CPA5: variants seen among roughly 807,000 people sequenced by gnomAD.
CPA5 encodes the protein carboxypeptidase A5, also known as testicular tissue protein Li 32.
CPA5 carries 38 observed loss-of-function variants against 52.2 expected under a neutral mutation model. The ratio of observed to expected loss-of-function variants is 0.73; its 90% CI spans 0.56 to 0.95. The LOEUF is 0.95. Ranked by LOEUF, CPA5 falls within the 40% of genes least tolerant of loss-of-function variation. CPA5 has a pLI of 0.00. For missense variants in CPA5, 519 were observed against 566.7 expected, an observed-to-expected ratio of 0.92 and a Z score of 0.86; for synonymous variants, 198 against 213.7, an observed-to-expected ratio of 0.93 and a Z score of 0.64.
At chr7:130,361,562 AC>A (rs1795793521) in intron 7 of CPA5, among the ~76,000 whole-genome samples, 1 of 152,018 alleles carries the variant, frequency 6.6e-6, no homozygotes, top group African/African-American at 2.4e-5. Context: ...GCGTTCTATT[AC>A]CTCAGTTGCT....
intron 4 of CPA5, among the ~76,000 whole-genome samples, chr7:130,348,555 G>A (rs187940684): frequency 2.6e-5 from 4 of 152,318 alleles, no homozygotes; most frequent in Non-Finnish European, 5.9e-5. Flanking sequence ...ACTTCTGCGG[G>A]GATGGGAACA....
intron 2 of CPA5, among the ~76,000 whole-genome samples, 181 bp from the exon 3 acceptor site, chr7:130,346,212 G>A (rs544532365): frequency 2.0e-5 from 3 of 151,824 alleles, no homozygotes; most frequent in Non-Finnish European, 4.4e-5. Context: ...ACAAGGGGCT[G>A]CCCTGGCAAA....
chr7:130,345,123 T>C lies in CPA5; in HGVS notation c.-234T>C, dbSNP rs1322375076. 1 of 152,220 alleles carries C rather than the reference T, an allele frequency of 6.6e-6. No homozygotes were observed. Among genetic ancestry groups the C allele is most frequent in the African/African-American group, 2.4e-5 (1 of 41,446 alleles). 9.4% of individuals were successfully genotyped at this position (152,220 alleles called of 1,614,324 possible). On this transcript the variant is annotated 5_prime_UTR_variant, in exon 1 of 13. Transcript: ENST00000474905. ...TCCTTAAACCCTTTGATAATGTTACTGTTTGAGAGTCCCTGAAGCCAGGAT... is the reference window on the plus strand; with the variant it reads ...TCCTTAAACCCTTTGATAATGTTACCGTTTGAGAGTCCCTGAAGCCAGGAT...
chr7:130,363,556 G>A (rs1795912297), intron 10 of CPA5, 47 bp downstream of exon 10: 2 of 1,467,256 alleles, frequency 1.4e-6, no homozygotes, highest in Non-Finnish European at 1.9e-6. Flanking sequence ...AGAGGTGTTG[G>A]CCCATGGCAG....
intron 5 of CPA5, among the ~76,000 whole-genome samples, chr7:130,350,528 G>T (rs1470234549): frequency 6.6e-6 from 1 of 152,158 alleles, no homozygotes; most frequent in African/African-American, 2.4e-5. Context: ...ATGCCTGGGG[G>T]AACGGCTTTA....
At chr7:130,371,650 C>A (rs6975516), downstream of CPA5, among the ~76,000 whole-genome samples, 1 of 151,602 alleles carries the variant, frequency 6.6e-6, no homozygotes, top group Non-Finnish European at 1.5e-5. Flanking sequence ...CTCTGCCTCC[C>A]GGGTTCAAGT....
chr7:130,352,015 T>C (rs1795177990), intron 5 of CPA5, among the ~76,000 whole-genome samples: 1 of 152,098 alleles, frequency 6.6e-6, no homozygotes, highest in Admixed American at 6.5e-5. Context: ...GTACCTACCA[T>C]AGGACCTGCT....
chr7:130,352,631 C>T (rs1795232275), intron 5 of CPA5, among the ~76,000 whole-genome samples: 1 of 152,082 alleles, frequency 6.6e-6, no homozygotes, highest in African/African-American at 2.4e-5. Context: ...AGGGGGGAGT[C>T]ATGGGAGGTG....
chr7:130,362,649 T>A lies in CPA5; in HGVS notation c.636+110T>A, dbSNP rs1554407112. 9 of 777,648 alleles carry A rather than the reference T, an allele frequency of 1.2e-5. No individual in the cohort carries two copies. The East Asian group carries it at 2.4e-4, about 21-fold the overall frequency. The allele number at this position is 777,648 out of a possible 1,614,324, so 48.2% of individuals were successfully genotyped here. A position where few individuals can be genotyped will look rare whatever the true frequency, so the allele number is the denominator to read the frequency against. On this transcript the variant is annotated intron_variant, in intron 8 of 12. Transcript: ENST00000474905. ...TTCAACAGTTACACTCAGGGTGCTG[T>A]CTCCATCCCGCCCTTTGGAGCAGCC...
Position 130,367,950 on chromosome 7 carries a change from T to C in CPA5, c.1083T>C (p.His361=). The change falls in exon 12 of 13, where the codon CAT becomes CAC. Residue 361 remains histidine, a synonymous_variant. Transcript: ENST00000474905. Reference sequence around the variant, plus strand: ...CGGTGGAGGCCTTGTATAAGGTCCATGGGATCGAGTACATTTTTGGCAGCA... The same window carrying C: ...CGGTGGAGGCCTTGTATAAGGTCCACGGGATCGAGTACATTTTTGGCAGCA... ...KDAVEALYKV[H]GIEYIFGSIS... The C allele has an allele frequency of 6.2e-7, 1 of 1,614,182 alleles. No individual in the cohort carries two copies. Among genetic ancestry groups the C allele is most frequent in the East Asian group, 2.2e-5 (1 of 44,878 alleles).
chr7:130,367,255 C>A, intron 10 of CPA5, 117 bp from the exon 11 acceptor site: 1 of 834,326 alleles, frequency 1.2e-6, no homozygotes, highest in Non-Finnish European at 1.9e-6. Context: ...GTCACATGAC[C>A]TCAGTCATAC....
At chr7:130,374,113 A>C in the CPA5 span, among the ~76,000 whole-genome samples, 1 of 151,910 alleles carries the variant, frequency 6.6e-6, no homozygotes. Flanking sequence ...TGCTCTGTGG[A>C]ATGTTCCCAG....
the CPA5 span, among the ~76,000 whole-genome samples, chr7:130,374,195 C>A: frequency 6.6e-6 from 1 of 152,170 alleles, no homozygotes; most frequent in Non-Finnish European, 1.5e-5. Context: ...CTTCTCCTGC[C>A]CTGTCCTCCA....
In CPA5 at chr7:130,368,522, G is replaced by A. The variant is rs1554409307; in HGVS notation, c.1236G>A (p.Gln412=). ...GQYGFLLPAT[Q]IIPTAQETWM... is the part of the protein sequence containing the mutation. ...ATGGCTTCCTGCTGCCGGCCACACA[G>A]ATCATCCCCACGGCCCAGGAGACGT... The change falls in exon 13 of 13, where the codon CAG becomes CAA. Residue 412 remains glutamine, a synonymous_variant. Coordinates refer to ENST00000474905, the MANE Select transcript of CPA5 (RefSeq NM_080385.5). The A allele has an allele frequency of 1.2e-6, 2 of 1,614,118 alleles. No individual in the cohort carries two copies. The highest frequency in any genetic ancestry group is 1.7e-6 in the Non-Finnish European group (2 of 1,180,014).
chr7:130,360,304 G>A (rs1300042167), intron 6 of CPA5, among the ~76,000 whole-genome samples: 1 of 152,270 alleles, frequency 6.6e-6, no homozygotes, highest in Non-Finnish European at 1.5e-5. Context: ...AGCCATGGGT[G>A]CTGGGGTATA....
At chr7:130,372,724 C>T (rs1472138962), downstream of CPA5, among the ~76,000 whole-genome samples, 5 of 152,042 alleles carry the variant, frequency 3.3e-5, no homozygotes, top group Admixed American at 2.0e-4. Context: ...TATAGCTGGG[C>T]GTATTGCTGC....
chr7:130,366,733 C>T (rs560942930), intron 10 of CPA5, among the ~76,000 whole-genome samples: 30 of 152,264 alleles, frequency 2.0e-4, no homozygotes, highest in Admixed American at 6.5e-5. Context: ...CAGCTGACAC[C>T]GAGTCTGAGC....
In CPA5 at chr7:130,363,529, T is replaced by A; in HGVS notation, c.838+20T>A. The A allele has an allele frequency of 6.4e-7, 1 of 1,561,300 alleles. No individual in the cohort carries two copies. Among genetic ancestry groups the A allele is most frequent in the African/African-American group, 1.3e-5 (1 of 74,442 alleles). The stretch of plus-strand genomic sequence containing the variant: ...TTGGAGGTATGGCAACCTGCTGTCC[T>A]GGGGCAGGGTTGGAGAAGAGGTGTT... On this transcript the variant is annotated intron_variant, in intron 10 of 12. Coordinates refer to ENST00000474905, the MANE Select transcript of CPA5 (RefSeq NM_080385.5).
intron 9 of CPA5, 148 bp from the exon 10 acceptor site, chr7:130,363,271 T>C (rs1305171625): frequency 3.0e-6 from 2 of 668,730 alleles, no homozygotes; most frequent in Non-Finnish European, 5.2e-6. Flanking sequence ...CCCAGCCCCA[T>C]GCCAGCCCCA....
Sources: gnomAD v4.1 joint callset for allele counts (sites outside exome capture counted in the v4.1 genomes callset) on GRCh38, gnomAD v4.1.1 for gene constraint, MANE v1.5 for transcripts, NCBI Gene and HGNC (gene_info 2026-07-23, HGNC 2026-07-21) for gene names.